HMX1: variants seen among roughly 807,000 people sequenced by gnomAD.
The protein encoded by HMX1 is homeobox protein HMX1.
HMX1 carries 8 observed loss-of-function variants against 8.9 expected under a neutral mutation model. The observed-to-expected ratio is 0.90, with a 90% confidence interval of 0.53 to 1.63. HMX1 has a LOEUF of 1.63. HMX1 is among the 40% of genes most tolerant of loss of function. The probability of loss-of-function intolerance (pLI) is 0.00; values close to 1 mark genes in which losing one functional copy is unlikely to be tolerated. For missense variants in HMX1, 621 were observed against 558.5 expected, an observed-to-expected ratio of 1.11 and a Z score of -1.13; for synonymous variants, 311 against 283.4, an observed-to-expected ratio of 1.10 and a Z score of -0.98.
At chr4:8,861,337 C>T (rs1434428769) in intron 1 of HMX1, among the ~76,000 whole-genome samples, 1 of 152,210 alleles carries the variant, frequency 6.6e-6, no homozygotes, top group Non-Finnish European at 1.5e-5. Flanking sequence ...ATCAGAGCGC[C>T]GCTGCGCCCC....
At chr4:8,866,881 G>C (rs1210619432), downstream of HMX1, among the ~76,000 whole-genome samples, 1 of 152,094 alleles carries the variant, frequency 6.6e-6, no homozygotes, top group Non-Finnish European at 1.5e-5. Flanking sequence ...TAGAAGAGGG[G>C]CACAGCGCTC....
rs1722105185 is a variant in HMX1, at chr4:8,868,433, C to T, written c.395-88G>A. ...AGGCCAGCCGTCCCCACCTTGAGGT[C>T]GCTCACAGCCACAAGCAGGAAGACC... is the stretch of plus-strand genomic sequence containing the variant. On this transcript the variant is annotated intron_variant, in intron 1 of 1. Transcript: ENST00000400677. This position sits in a 1 kb window ranked among gnomAD's most constrained non-coding sequence, Gnocchi z 4.6. 9.7e-7 allele frequency: 1 copy of T among 1,028,920 alleles called. No individual in the cohort carries two copies. The highest frequency in any genetic ancestry group is 1.3e-6 in the Non-Finnish European group (1 of 797,172). 63.7% of individuals were successfully genotyped at this position (1,028,920 alleles called of 1,614,324 possible).
At chr4:8,861,276 A>G (rs1383130012) in intron 1 of HMX1, among the ~76,000 whole-genome samples, 1 of 151,706 alleles carries the variant, frequency 6.6e-6, no homozygotes, top group African/African-American at 2.4e-5. Flanking sequence ...TGCGGCACCG[A>G]CTTCCCACTG....
At chr4:8,866,706 G>A (rs929759485), downstream of HMX1, among the ~76,000 whole-genome samples, 4 of 152,202 alleles carry the variant, frequency 2.6e-5, no homozygotes, top group East Asian at 5.8e-4. Context: ...CACACGGGGC[G>A]CCACACAGCC....
chr4:8,868,903 G>A lies in HMX1; in HGVS notation c.395-558C>T, dbSNP rs150123065. On this transcript the variant is annotated intron_variant, in intron 1 of 1. Coordinates refer to ENST00000400677, the MANE Select transcript of HMX1 (RefSeq NM_018942.3). This position sits in a 1 kb window ranked among gnomAD's most constrained non-coding sequence, Gnocchi z 4.6. ...AGGCCTCTTCCCGCGCCCTCTGCCCGCTTGCACAGAAACATTCCATAGTAG... is the reference window on the plus strand; with the variant it reads ...AGGCCTCTTCCCGCGCCCTCTGCCCACTTGCACAGAAACATTCCATAGTAG... Among the ~76,000 whole-genome samples the A allele has an allele frequency of 1.2e-3, 177 of 152,162 alleles. No individual in the cohort carries two copies. The highest frequency in any genetic ancestry group is 1.8e-3 in the Non-Finnish European group (122 of 68,010).
At chr4:8,858,803 C>G (rs1351894269) in intron 1 of HMX1, 2 of 152,340 alleles carry the variant, frequency 1.3e-5, no homozygotes, top group Non-Finnish European at 2.9e-5. Flanking sequence ...GAATGAAACT[C>G]TCGGAGCATC....
intron 1 of HMX1, among the ~76,000 whole-genome samples, chr4:8,860,288 G>A (rs967556675): frequency 6.6e-5 from 10 of 152,366 alleles, no homozygotes; most frequent in African/African-American, 2.4e-4. Flanking sequence ...CACAGGCTGA[G>A]GGGACCGGCC....
chr4:8,850,387 C>T lies in HMX1; in HGVS notation c.395-4063G>A, dbSNP rs546683175. Among the ~76,000 whole-genome samples the T allele has an allele frequency of 1.5e-4, 23 of 152,264 alleles. No homozygotes were observed. The South Asian group carries it at 3.3e-3, about 22-fold the overall frequency. Reference sequence around the variant, plus strand: ...GGTGTTGTCTCCATCCCCACCGCCCCGGTCTCCACTGGCCCTGCTGAAGCT... The same window carrying T: ...GGTGTTGTCTCCATCCCCACCGCCCTGGTCTCCACTGGCCCTGCTGAAGCT... On this transcript the variant is annotated intron_variant, in intron 1 of 1. Transcript: ENST00000506970.
chr4:8,865,826 G>C (rs1030918254), downstream of HMX1, among the ~76,000 whole-genome samples: 1 of 152,202 alleles, frequency 6.6e-6, no homozygotes, highest in African/African-American at 2.4e-5. Flanking sequence ...CGGACTTCCT[G>C]GTTTAGCCAG....
Position 8,849,348 on chromosome 4 carries a change from C to T in HMX1, c.395-3024G>A, listed in dbSNP as rs922603696. 6.6e-6 allele frequency among the ~76,000 whole-genome samples: 1 copy of T among 152,128 alleles called. No individual in the cohort carries two copies. Among genetic ancestry groups the T allele is most frequent in the East Asian group, 2.0e-4 (1 of 5,104 alleles). The stretch of plus-strand genomic sequence containing the variant: ...GAGTGGTGTGTGAGGACAAAGAGAA[C>T]TTTGGACACAGACTCACTAGAGGCA... On this transcript the variant is annotated intron_variant, in intron 1 of 1. Coordinates refer to the HMX1 transcript ENST00000506970. The surrounding 1 kb of genome is among the most constrained non-coding windows in gnomAD (Gnocchi z 6.6).
At chr4:8,866,941 T>C (rs1286702312), downstream of HMX1, 5 of 407,040 alleles carry the variant, frequency 1.2e-5, no homozygotes, top group South Asian at 1.0e-4. Flanking sequence ...GGCCCAGCCC[T>C]GGGCTCCAGG....
intron 1 of HMX1, among the ~76,000 whole-genome samples, chr4:8,858,049 T>C (rs999434896): frequency 2.0e-5 from 3 of 151,736 alleles, no homozygotes; most frequent in African/African-American, 7.3e-5. Flanking sequence ...TGCGATGTAC[T>C]GTAAGACGGG....
At chr4:8,860,961 G>A (rs1259923210) in intron 1 of HMX1, 1 of 143,674 alleles carries the variant, frequency 7.0e-6, no homozygotes, top group Admixed American at 6.7e-5. Context: ...GGGCGGGGGC[G>A]GGGGCGAGGG....
chr4:8,867,283 G>C lies in HMX1; in HGVS notation c.*410C>G. The C allele has an allele frequency of 1.0e-6, 1 of 987,546 alleles. No homozygotes were observed. Among genetic ancestry groups the C allele is most frequent in the Non-Finnish European group, 1.2e-6 (1 of 831,428 alleles). The allele number at this position is 987,546 out of a possible 1,614,324, so 61.2% of individuals were successfully genotyped here. ...AAAGGGACGTTTAGTGTTGGGGGCA[G>C]TCTGTGGGGACAGTCACCGCTCAGC... On this transcript the variant is annotated 3_prime_UTR_variant, in exon 2 of 2. Coordinates refer to ENST00000400677, the MANE Select transcript of HMX1 (RefSeq NM_018942.3).
chr4:8,862,957 C>T (rs1223938199), downstream of HMX1, among the ~76,000 whole-genome samples: 1 of 152,188 alleles, frequency 6.6e-6, no homozygotes, highest in Non-Finnish European at 1.5e-5. Flanking sequence ...GTCCACCTCT[C>T]CGTTTCCCTC....
At position 8,857,439 on chromosome 4, in the gene HMX1, C is replaced by G. The variant is rs542260086; in HGVS notation, c.395-11115G>C. On this transcript the variant is annotated intron_variant, in intron 1 of 1. Coordinates refer to the HMX1 transcript ENST00000506970. Reference sequence around the variant, plus strand: ...CCTCCGCTTTCTCCTTCCTCCTTCCCCCGCGGCTTCCCTGCTGCGCCGGGC... The same window carrying G: ...CCTCCGCTTTCTCCTTCCTCCTTCCGCCGCGGCTTCCCTGCTGCGCCGGGC... 1.7e-3 allele frequency among the ~76,000 whole-genome samples: 263 copies of G among 152,316 alleles called. 1 individual carries two copies. Among genetic ancestry groups the G allele is most frequent in the African/African-American group, 5.8e-3 (241 of 41,586 alleles).
rs1722082304 is a variant in HMX1 at position 8,868,117 on chromosome 4, G to C, written c.623C>G (p.Thr208Arg). Residue 208 changes from threonine to arginine, a missense_variant, in exon 2 of 2, where the codon ACA becomes AGA. Transcript: ENST00000400677. The surrounding 1 kb of genome is among the most constrained non-coding windows in gnomAD (Gnocchi z 4.6). Reference sequence around the variant, plus strand: ...GAAGACCTGGCTGCGGGAGAAGACTGTGCGCGTCTTCTTCTTTCGGCCGCC... The same window carrying C: ...GAAGACCTGGCTGCGGGAGAAGACTCTGCGCGTCTTCTTCTTTCGGCCGCC... ...VGGGRKKKTR[T>R]VFSRSQVFQL... 9.2e-6 allele frequency: 14 copies of C among 1,517,832 alleles called. No individual in the cohort carries two copies. The highest frequency in any genetic ancestry group is 1.1e-5 in the Non-Finnish European group (12 of 1,136,726). 94.0% of individuals were successfully genotyped at this position (1,517,832 alleles called of 1,614,324 possible).
At position 8,848,479 on chromosome 4, in the gene HMX1, A is replaced by G. The variant is rs1721341163; in HGVS notation, c.395-2155T>C. On this transcript the variant is annotated intron_variant, in intron 1 of 1. Coordinates refer to the HMX1 transcript ENST00000506970. This position sits in a 1 kb window ranked among gnomAD's most constrained non-coding sequence, Gnocchi z 4.1. Reference sequence around the variant, plus strand: ...TGTTTTTTACTCATCTAGGCAGAGTACTTGGAATGCCCTAGTTCAATCCCC... The same window carrying G: ...TGTTTTTTACTCATCTAGGCAGAGTGCTTGGAATGCCCTAGTTCAATCCCC... Among the ~76,000 whole-genome samples, 1 of 152,226 alleles carries G rather than the reference A, an allele frequency of 6.6e-6. No individual in the cohort carries two copies. The highest frequency in any genetic ancestry group is 1.5e-5 in the Non-Finnish European group (1 of 68,042).
At chr4:8,862,806 G>A (rs1721872239), downstream of HMX1, among the ~76,000 whole-genome samples, 1 of 152,170 alleles carries the variant, frequency 6.6e-6, no homozygotes, top group African/African-American at 2.4e-5. Flanking sequence ...AGGGCCGTTT[G>A]CTCCCCAGGC....
Sources: gnomAD v4.1 joint callset for allele counts (sites outside exome capture counted in the v4.1 genomes callset) on GRCh38, gnomAD v4.1.1 for gene constraint, Gnocchi (gnomAD v3.1) non-coding constraint, MANE v1.5 for transcripts, NCBI Gene and HGNC (gene_info 2026-07-23, HGNC 2026-07-21) for gene names.